EIF3CL: variants seen among roughly 807,000 people sequenced by gnomAD.
EIF3CL encodes the protein eukaryotic translation initiation factor 3 subunit C like.
For missense variants in EIF3CL, 5 were observed against 56.1 expected, an observed-to-expected ratio of 0.09 and a Z score of 2.91; for synonymous variants, 2 against 19.6, an observed-to-expected ratio of 0.10 and a Z score of 2.37.
chr16:28,424,056 C>T, the EIF3CL span, among the ~76,000 whole-genome samples: 11 of 148,946 alleles, frequency 7.4e-5, no homozygotes, highest in African/African-American at 2.2e-4. Context: ...GGTGTGATCT[C>T]GGCTCACTGC....
chr16:28,413,102 CACAA>C, the EIF3CL span, among the ~76,000 whole-genome samples: 2 of 90,202 alleles, frequency 2.2e-5, no homozygotes, highest in East Asian at 6.3e-4. Flanking sequence ...GGCAGGAGAA[CACAA>C]ACATTTAGTT....
At chr16:28,417,517 C>T in the EIF3CL span, among the ~76,000 whole-genome samples, 6 of 115,888 alleles carry the variant, frequency 5.2e-5, no homozygotes, top group Non-Finnish European at 7.5e-5. Flanking sequence ...GTGACCTTAC[C>T]CCCAACCCTG....
the EIF3CL span, among the ~76,000 whole-genome samples, chr16:28,416,986 G>T: frequency 1.0e-5 from 1 of 97,552 alleles, no homozygotes; most frequent in African/African-American, 3.8e-5. Flanking sequence ...GCTCTGCCCG[G>T]CCAGCCGCCC....
chr16:28,418,917 A>T, the EIF3CL span, among the ~76,000 whole-genome samples: 1 of 146,432 alleles, frequency 6.8e-6, no homozygotes, highest in East Asian at 2.1e-4. Flanking sequence ...GGCCTGAGCC[A>T]CCCCACCTGG....
At chr16:28,417,785 T>C in the EIF3CL span, among the ~76,000 whole-genome samples, 1 of 133,606 alleles carries the variant, frequency 7.5e-6, no homozygotes, top group African/African-American at 2.7e-5. Flanking sequence ...CAAATCCCCC[T>C]CTGTGAGAAA....
chr16:28,415,841 C>G, the EIF3CL span, among the ~76,000 whole-genome samples: 1 of 112,834 alleles, frequency 8.9e-6, no homozygotes, highest in Non-Finnish European at 1.9e-5. Flanking sequence ...TCTCCCTCTC[C>G]CTCTCCCTCT....
At chr16:28,416,891 G>T in the EIF3CL span, among the ~76,000 whole-genome samples, 1 of 85,036 alleles carries the variant, frequency 1.2e-5, no homozygotes, top group Non-Finnish European at 2.5e-5. Context: ...GGTGGGGGGG[G>T]TCAGCCCCCC....
At chr16:28,419,392 G>A in the EIF3CL span, among the ~76,000 whole-genome samples, 1 of 149,590 alleles carries the variant, frequency 6.7e-6, no homozygotes, top group African/African-American at 2.5e-5. Context: ...TCCATGGGTG[G>A]GAGAGCCAGT....
the EIF3CL span, among the ~76,000 whole-genome samples, chr16:28,416,660 G>A: frequency 4.1e-4 from 37 of 89,514 alleles, no homozygotes; most frequent in Non-Finnish European, 6.1e-4. Context: ...CAGCCGCCCC[G>A]TCTGAGAAGT....
the EIF3CL span, among the ~76,000 whole-genome samples, chr16:28,425,520 G>A: frequency 2.9e-4 from 31 of 105,254 alleles, 11 homozygotes; most frequent in African/African-American, 9.3e-4. Flanking sequence ...TGATTAACTC[G>A]ATGCCACAGC....
the EIF3CL span, among the ~76,000 whole-genome samples, chr16:28,417,850 T>A: frequency 4.6e-4 from 30 of 65,878 alleles, no homozygotes; most frequent in East Asian, 1.5e-3. Context: ...AAAACTCAAA[T>A]AAAGTTTGCA....
chr16:28,415,505 G>A, the EIF3CL span, among the ~76,000 whole-genome samples: 2 of 140,784 alleles, frequency 1.4e-5, no homozygotes, highest in Non-Finnish European at 3.0e-5. Flanking sequence ...ATCCCAGCAC[G>A]CTGGGAGGCT....
chr16:28,416,665 A>G, the EIF3CL span, among the ~76,000 whole-genome samples: 84 of 51,186 alleles, frequency 1.6e-3, no homozygotes, highest in Middle Eastern at 0.01. Flanking sequence ...GCCCCGTCTG[A>G]GAAGTGAGGA....
chr16:28,392,774 ATT>A (rs1179590483), intron 8 of EIF3CL, among the ~76,000 whole-genome samples: 8 of 146,136 alleles, frequency 5.5e-5, no homozygotes, highest in South Asian at 2.1e-4. Flanking sequence ...ATATAAAAAC[ATT>A]TTTTTCTTTT....
At chr16:28,415,606 C>A in the EIF3CL span, among the ~76,000 whole-genome samples, 1 of 117,678 alleles carries the variant, frequency 8.5e-6, no homozygotes, top group Admixed American at 9.6e-5. Flanking sequence ...AAAAATTAGC[C>A]GGGCATGGTG....
intron 15 of EIF3CL, among the ~76,000 whole-genome samples, chr16:28,386,273 TC>T (rs1296669309): frequency 1.8e-5 from 1 of 55,176 alleles, no homozygotes; most frequent in African/African-American, 6.6e-5. Flanking sequence ...GATAAGGCAC[TC>T]CTACAACTCA....
chr16:28,386,190 C>T (rs1445006449), intron 15 of EIF3CL, among the ~76,000 whole-genome samples: 2 of 50,768 alleles, frequency 3.9e-5, no homozygotes, highest in Non-Finnish European at 8.3e-5. Context: ...TCCAGCCTGC[C>T]GACAGAGCGA....
At chr16:28,386,641 T>C (rs1172188340) in intron 15 of EIF3CL, among the ~76,000 whole-genome samples, 1 of 13,272 alleles carries the variant, frequency 7.5e-5, no homozygotes. Flanking sequence ...TAATCCCAGC[T>C]ACATGGGATG....
At chr16:28,414,509 G>A in the EIF3CL span, 1 of 208,440 alleles carries the variant, frequency 4.8e-6, no homozygotes, top group African/African-American at 2.7e-5. Context: ...CAGGAGAAAT[G>A]CGCCCTCATG....
Sources: allele counts gnomAD v4.1 joint callset (sites outside exome capture counted in the v4.1 genomes callset), GRCh38; gene constraint gnomAD v4.1.1; transcripts MANE v1.5; gene names NCBI Gene and HGNC (gene_info 2026-07-23, HGNC 2026-07-21).